Variants in MEF2C observed in about 807,000 individuals in gnomAD.
The protein encoded by MEF2C is myocyte-specific enhancer factor 2C.
Under a neutral mutation model 50.5 loss-of-function variants are expected in MEF2C, and 6 were observed. The ratio of observed to expected loss-of-function variants is 0.12; its 90% CI spans 0.07 to 0.23. MEF2C has a LOEUF of 0.23. Among genes scored for constraint, MEF2C ranks in the 10% least tolerant of loss-of-function variants. MEF2C has a pLI of 1.00. For missense variants in MEF2C, 276 were observed against 605.0 expected (o/e 0.46, Z 5.70); for synonymous variants, 183 against 228.0 (o/e 0.80, Z 1.78).
intron 2 of MEF2C, among the ~76,000 whole-genome samples, chr5:88,808,348 A>G (rs1350337011): frequency 6.6e-6 from 1 of 152,186 alleles, no homozygotes; most frequent in African/African-American, 2.4e-5. Flanking sequence ...GGAATGTCTC[A>G]ATACAGTATG....
At chr5:88,787,536 T>C (rs530505871) in intron 3 of MEF2C, among the ~76,000 whole-genome samples, 18 of 152,322 alleles carry the variant, frequency 1.2e-4, no homozygotes, top group African/African-American at 4.3e-4. Flanking sequence ...GGAACTGAAT[T>C]TTTAATCTCC....
At chr5:88,806,776 A>C (rs953097425) in intron 2 of MEF2C, among the ~76,000 whole-genome samples, 9 of 152,230 alleles carry the variant, frequency 5.9e-5, no homozygotes, top group Admixed American at 2.6e-4. Flanking sequence ...TAAAATATGC[A>C]AAATAAAAAA....
intron 1 of MEF2C, among the ~76,000 whole-genome samples, chr5:88,862,477 T>C (rs750195643): frequency 1.1e-4 from 17 of 152,178 alleles, no homozygotes; most frequent in Non-Finnish European, 2.2e-4. Context: ...ATATACAAGA[T>C]GTTTTCCTAC....
chr5:88,782,608 G>A (rs1475445738), intron 3 of MEF2C, among the ~76,000 whole-genome samples: 2 of 152,136 alleles, frequency 1.3e-5, no homozygotes, highest in African/African-American at 4.8e-5. Context: ...CCTTATTAGT[G>A]CAAACTAAAA....
Position 88,722,710 on chromosome 5 carries a change from T to C in MEF2C, c.1316A>G (p.His439Arg). 6.2e-7 allele frequency: 1 copy of C among 1,613,936 alleles called. No homozygotes were observed. Among genetic ancestry groups the C allele is most frequent in the Non-Finnish European group, 8.5e-7 (1 of 1,179,894 alleles). Residue 439 changes from histidine to arginine, a missense_variant, in exon 11 of 11, where the codon CAC becomes CGC. His to Arg is a conservative substitution (Grantham distance 29). This residue lies in a region of MEF2C where 256 missense variants were observed against 468.1 expected (regional missense o/e 0.55). Coordinates refer to ENST00000504921, the MANE Select transcript of MEF2C (RefSeq NM_002397.5). ...SSYDGSDRED[H>R]RNEFHSPIGL... Reference sequence around the variant, plus strand: ...AATGGGGGAGTGGAATTCGTTCCGGTGATCCTCTCGGTCGCTCCCGTCGTA... The same window carrying C: ...AATGGGGGAGTGGAATTCGTTCCGGCGATCCTCTCGGTCGCTCCCGTCGTA...
chr5:88,824,891 T>C (rs1212982399), intron 1 of MEF2C: 2 of 151,954 alleles, frequency 1.3e-5, no homozygotes, highest in African/African-American at 4.8e-5. Flanking sequence ...TTACTTGGTT[T>C]TAAATTACAT....
chr5:88,790,021 GA>G (rs1226110039), intron 3 of MEF2C, among the ~76,000 whole-genome samples: 5 of 152,164 alleles, frequency 3.3e-5, no homozygotes, highest in Non-Finnish European at 7.3e-5. Flanking sequence ...CACACTTCCT[GA>G]ATGTCTGGAC....
At position 88,720,663 on chromosome 5, in the gene MEF2C, A is replaced by G. The variant is rs1459634547; in HGVS notation, c.*1941T>C. The stretch of plus-strand genomic sequence containing the variant: ...TGAATCGACAGATCTTCACATTCCA[A>G]GAGAAGGAAAATCTTTCCTAGACTG... On this transcript the variant is annotated 3_prime_UTR_variant, in exon 11 of 11. Transcript: ENST00000504921. 6.6e-6 allele frequency: 1 copy of G among 152,596 alleles called. No individual in the cohort carries two copies. The highest frequency in any genetic ancestry group is 1.5e-5 in the Non-Finnish European group (1 of 68,000). The allele number at this position is 152,596 out of a possible 1,614,324, so 9.5% of individuals were successfully genotyped here.
intron 1 of MEF2C, among the ~76,000 whole-genome samples, chr5:88,839,968 A>G (rs899037289): frequency 3.9e-5 from 6 of 152,188 alleles, no homozygotes; most frequent in Non-Finnish European, 8.8e-5. Flanking sequence ...AGAGAAAAAA[A>G]TCTTTTCTTT....
At chr5:88,795,991 G>A (rs1437221957) in intron 3 of MEF2C, among the ~76,000 whole-genome samples, 1 of 152,138 alleles carries the variant, frequency 6.6e-6, no homozygotes, top group East Asian at 1.9e-4. Flanking sequence ...GGATGAAGCT[G>A]ACTTGATCAT....
chr5:88,896,943 C>CTACA, intron 1 of MEF2C, among the ~76,000 whole-genome samples: 1 of 98,300 alleles, frequency 1.0e-5, no homozygotes, highest in Non-Finnish European at 2.1e-5. Flanking sequence ...CTCAGTAAAG[C>CTACA]TACACACACA....
At chr5:88,743,641 A>C in intron 6 of MEF2C, 1 of 985,098 alleles carries the variant, frequency 1.0e-6, no homozygotes, top group East Asian at 1.1e-4. Flanking sequence ...CTAAGTTCAA[A>C]GGTGCTGAGT....
intron 1 of MEF2C, among the ~76,000 whole-genome samples, chr5:88,860,207 C>T (rs1234679278): frequency 6.6e-6 from 1 of 152,084 alleles, no homozygotes; most frequent in Non-Finnish European, 1.5e-5. Flanking sequence ...TGGAAAGTGC[C>T]AAAGAAATGA....
chr5:88,889,074 A>T (rs1004099711), intron 1 of MEF2C: 1 of 151,992 alleles, frequency 6.6e-6, no homozygotes, highest in African/African-American at 2.4e-5. Context: ...GGAAGTGGGG[A>T]TTAAAAATCT....
At chr5:88,879,242 G>A (rs1832057873) in intron 1 of MEF2C, among the ~76,000 whole-genome samples, 1 of 151,828 alleles carries the variant, frequency 6.6e-6, no homozygotes, top group South Asian at 2.1e-4. Context: ...AAAAATTACT[G>A]TAAAGTTGGG....
At chr5:88,782,009 C>T (rs562528503) in intron 3 of MEF2C, 5 of 472,210 alleles carry the variant, frequency 1.1e-5, no homozygotes, top group South Asian at 1.8e-4. Flanking sequence ...TGCACATGTT[C>T]TGAGGAAGGA....
intron 1 of MEF2C, among the ~76,000 whole-genome samples, chr5:88,852,019 A>G (rs963405916): frequency 4.6e-5 from 7 of 152,172 alleles, no homozygotes; most frequent in Admixed American, 2.6e-4. Context: ...TGACAAGTGA[A>G]AACTCGAATG....
At chr5:88,731,601 G>A (rs140501130) in intron 7 of MEF2C, 128 bp downstream of exon 7, 8 of 853,378 alleles carry the variant, frequency 9.4e-6, no homozygotes, top group Middle Eastern at 3.4e-4. Flanking sequence ...GCAAGGCTCT[G>A]TCAATGGCAC....
intron 1 of MEF2C, among the ~76,000 whole-genome samples, chr5:88,857,066 G>T (rs919649425): frequency 6.6e-6 from 1 of 152,188 alleles, no homozygotes; most frequent in Non-Finnish European, 1.5e-5. Flanking sequence ...GGGCTGGGGG[G>T]CTATACCCTG....
Sources: gnomAD v4.1 joint callset for allele counts (sites outside exome capture counted in the v4.1 genomes callset) on GRCh38, gnomAD v4.1.1 for gene constraint, gnomAD v4.1.1 regional missense constraint, MANE v1.5 for transcripts, NCBI Gene and HGNC (gene_info 2026-07-23, HGNC 2026-07-21) for gene names.